ZBBX: variants seen among roughly 807,000 people sequenced by gnomAD.
ZBBX encodes the protein zinc finger B-box domain-containing protein 1.
Under a neutral mutation model 108.5 loss-of-function variants are expected in ZBBX, and 101 were observed. The observed-to-expected ratio is 0.93, with a 90% CI of 0.79 to 1.10. The LOEUF is 1.10. ZBBX is among the 50% of genes least tolerant of loss of function. ZBBX has a pLI of 0.00. For synonymous variants in ZBBX, 356 were observed against 323.4 expected (o/e 1.10, Z -1.08); for missense variants, 1,009 against 941.4 (o/e 1.07, Z -0.94).
At chr3:167,195,058 T>A in the ZBBX span, among the ~76,000 whole-genome samples, 1 of 152,116 alleles carries the variant, frequency 6.6e-6, no homozygotes, top group East Asian at 1.9e-4. Context: ...AAACAACCGG[T>A]GCCATCATAT....
intron 8 of ZBBX, among the ~76,000 whole-genome samples, chr3:167,357,933 A>T (rs1178145241): frequency 6.6e-6 from 1 of 152,102 alleles, no homozygotes; most frequent in East Asian, 1.9e-4. Context: ...AGAACAAAAA[A>T]CCAAACACCG....
the ZBBX span, among the ~76,000 whole-genome samples, chr3:167,190,534 C>A: frequency 6.6e-6 from 1 of 152,196 alleles, no homozygotes; most frequent in African/African-American, 2.4e-5. Context: ...GTCCCTGCCA[C>A]CACGCCCGGC....
At position 167,245,617 on chromosome 3, in the gene ZBBX, T is replaced by G. The variant is rs1576760337; in HGVS notation, c.2255-2974A>C. On this transcript the variant is annotated intron_variant, in intron 20 of 21. Coordinates refer to ENST00000675490, the MANE Select transcript of ZBBX (RefSeq NM_001199201.2). ...ATGGTGACATGATCATGGGAGAAGA[T>G]TTCCTCCTTGCTGTTCTCATGATAG... 2.0e-5 allele frequency among the ~76,000 whole-genome samples: 3 copies of G among 152,130 alleles called. No homozygotes were observed. The Middle Eastern group carries it at 0.01, about 517-fold the overall frequency.
At chr3:167,354,811 CA>C (rs1743249467) in intron 8 of ZBBX, among the ~76,000 whole-genome samples, 1 of 151,736 alleles carries the variant, frequency 6.6e-6, no homozygotes, top group South Asian at 2.1e-4. Flanking sequence ...AATTCTAAGC[CA>C]AGTGTCTGTT....
intron 8 of ZBBX, among the ~76,000 whole-genome samples, chr3:167,357,078 G>C (rs1408523619): frequency 1.3e-5 from 2 of 152,216 alleles, no homozygotes; most frequent in Non-Finnish European, 2.9e-5. Flanking sequence ...AGAGGTATAA[G>C]GTGGATGTGT....
At chr3:167,269,037 G>A (rs1726080503) in intron 20 of ZBBX, among the ~76,000 whole-genome samples, 1 of 152,172 alleles carries the variant, frequency 6.6e-6, no homozygotes, top group Non-Finnish European at 1.5e-5. Context: ...TGGAAGGGCA[G>A]GCCACTTCAA....
chr3:167,232,588 GA>G, the ZBBX span, among the ~76,000 whole-genome samples: 1 of 151,776 alleles, frequency 6.6e-6, no homozygotes, highest in Non-Finnish European at 1.5e-5. Context: ...GACAAGTTGA[GA>G]AAAAGCACCT....
At chr3:167,268,477 A>G (rs999689968) in intron 20 of ZBBX, among the ~76,000 whole-genome samples, 2 of 152,120 alleles carry the variant, frequency 1.3e-5, no homozygotes, top group South Asian at 2.1e-4. Context: ...TGGAAAATAT[A>G]CAAGACCTAA....
At chr3:167,231,833 T>C in the ZBBX span, among the ~76,000 whole-genome samples, 1 of 151,842 alleles carries the variant, frequency 6.6e-6, no homozygotes, top group Non-Finnish European at 1.5e-5. Context: ...ATTTAAACTT[T>C]GTACAGTTGG....
Position 167,358,957 on chromosome 3 carries a change from A to G in ZBBX, c.432+913T>C, listed in dbSNP as rs1744071392. Among the ~76,000 whole-genome samples, 2 of 150,236 alleles carry G rather than the reference A, an allele frequency of 1.3e-5. 1 individual carries two copies. Reference sequence around the variant, plus strand: ...TCTCAAAAAAAAAAAAAAAAAAAAAAAAAAAGAGAGAGAATATGTCACTTG... The same window carrying G: ...TCTCAAAAAAAAAAAAAAAAAAAAAGAAAAAGAGAGAGAATATGTCACTTG... On this transcript the variant is annotated intron_variant, in intron 8 of 21. Transcript: ENST00000675490.
chr3:167,320,831 G>A (rs1486933233), intron 12 of ZBBX, among the ~76,000 whole-genome samples: 11 of 151,840 alleles, frequency 7.2e-5, no homozygotes, highest in Non-Finnish European at 1.5e-5. Context: ...CATCAGACAA[G>A]CCCAAATTGA....
At chr3:167,228,861 G>C in the ZBBX span, among the ~76,000 whole-genome samples, 1 of 151,736 alleles carries the variant, frequency 6.6e-6, no homozygotes, top group Non-Finnish European at 1.5e-5. Flanking sequence ...ATCATTGTTT[G>C]AACAACATGG....
intron 20 of ZBBX, among the ~76,000 whole-genome samples, chr3:167,245,351 C>T: frequency 6.6e-6 from 1 of 151,538 alleles, no homozygotes; most frequent in African/African-American, 2.4e-5. Flanking sequence ...CGACAAAGCC[C>T]TATTTCTAAC....
the ZBBX span, among the ~76,000 whole-genome samples, chr3:167,203,485 G>A: frequency 6.6e-6 from 1 of 152,028 alleles, no homozygotes; most frequent in Non-Finnish European, 1.5e-5. Context: ...GTATGTGTAC[G>A]TATGCTAAGA....
intron 20 of ZBBX, among the ~76,000 whole-genome samples, chr3:167,247,061 C>G (rs59293418): frequency 0.017 from 2,565 of 152,234 alleles, 73 homozygotes; most frequent in African/African-American, 0.059. Context: ...CACCACAGAC[C>G]GAGGTGAGGA....
the ZBBX span, among the ~76,000 whole-genome samples, chr3:167,203,470 T>G: frequency 6.6e-6 from 1 of 152,140 alleles, no homozygotes; most frequent in African/African-American, 2.4e-5. Context: ...AAAATTTCTC[T>G]GTGTGTATGT....
intron 2 of ZBBX, among the ~76,000 whole-genome samples, chr3:167,375,090 C>T (rs767809183): frequency 1.7e-4 from 26 of 152,154 alleles, no homozygotes; most frequent in Non-Finnish European, 3.1e-4. Flanking sequence ...GCAGGGAAAA[C>T]GTAAGTCTAG....
At chr3:167,292,051 T>C (rs571714021) in intron 18 of ZBBX, among the ~76,000 whole-genome samples, 2 of 152,178 alleles carry the variant, frequency 1.3e-5, no homozygotes, top group Non-Finnish European at 2.9e-5. Flanking sequence ...CCCAGATTCA[T>C]AAAGCAAGTT....
At chr3:167,249,530 C>A (rs1722202103) in intron 20 of ZBBX, among the ~76,000 whole-genome samples, 1 of 152,218 alleles carries the variant, frequency 6.6e-6, no homozygotes, top group Non-Finnish European at 1.5e-5. Flanking sequence ...AAACTCCAGT[C>A]TCACTCTTAA....
Sources: gnomAD v4.1 joint callset for allele counts (sites outside exome capture counted in the v4.1 genomes callset) on GRCh38, gnomAD v4.1.1 for gene constraint, MANE v1.5 for transcripts, NCBI Gene and HGNC (gene_info 2026-07-23, HGNC 2026-07-21) for gene names.